GRIK2: variants seen among roughly 807,000 people sequenced by gnomAD.
The protein encoded by GRIK2 is glutamate receptor ionotropic, kainate 2.
In GRIK2, 32 loss-of-function variants were observed where a neutral mutation model predicts 100.3. That is an observed-to-expected ratio of 0.32 (90% CI 0.24 to 0.43). The LOEUF (loss-of-function observed/expected upper bound fraction) is 0.43. GRIK2 is among the 20% of genes least tolerant of loss of function. The pLI, the probability that GRIK2 is intolerant of heterozygous loss-of-function variation, is 1.00. For synonymous variants in GRIK2, 417 were observed against 389.4 expected, an observed-to-expected ratio of 1.07 and a Z score of -0.83; for missense variants, 843 against 1,114.9, an observed-to-expected ratio of 0.76 and a Z score of 3.47.
chr6:101,918,700 G>T (rs1039967203), intron 12 of GRIK2, among the ~76,000 whole-genome samples: 1 of 151,632 alleles, frequency 6.6e-6, no homozygotes, highest in Admixed American at 6.6e-5. Flanking sequence ...TATTTGGCTG[G>T]AATTCAAACC....
intron 7 of GRIK2, among the ~76,000 whole-genome samples, chr6:101,788,930 G>T (rs183213414): frequency 6.6e-6 from 1 of 152,298 alleles, no homozygotes; most frequent in East Asian, 1.9e-4. Flanking sequence ...GTATCTCATT[G>T]TGATTTTGAT....
intron 2 of GRIK2, among the ~76,000 whole-genome samples, chr6:101,472,809 C>T (rs1027998143): frequency 1.3e-5 from 2 of 151,718 alleles, no homozygotes; most frequent in Non-Finnish European, 3.0e-5. Flanking sequence ...GACTGATACT[C>T]ATTTCAGAAT....
chr6:101,601,494 G>T (rs774209014), intron 2 of GRIK2, among the ~76,000 whole-genome samples: 1 of 151,946 alleles, frequency 6.6e-6, no homozygotes, highest in African/African-American at 2.4e-5. Context: ...TTTTGGAATA[G>T]TTCTGGTAGA....
intron 2 of GRIK2, among the ~76,000 whole-genome samples, chr6:101,611,156 A>G (rs1334542513): frequency 1.3e-5 from 2 of 151,848 alleles, no homozygotes; most frequent in African/African-American, 4.8e-5. Context: ...AAAGTGTAGG[A>G]GCTTTGTCAA....
intron 7 of GRIK2, among the ~76,000 whole-genome samples, chr6:101,785,830 GT>G (rs894599735): frequency 1.3e-5 from 2 of 151,680 alleles, no homozygotes; most frequent in South Asian, 2.1e-4. Context: ...AATTTTAGAA[GT>G]TTTTTTTCTT....
chr6:101,460,701 A>G (rs570945461), intron 2 of GRIK2, among the ~76,000 whole-genome samples: 89 of 152,292 alleles, frequency 5.8e-4, no homozygotes, highest in African/African-American at 2.1e-3. Flanking sequence ...GAGAATCTTC[A>G]ATTTTCACTA....
At chr6:101,421,348 A>T (rs1020409940) in intron 2 of GRIK2, among the ~76,000 whole-genome samples, 1 of 152,218 alleles carries the variant, frequency 6.6e-6, no homozygotes, top group Non-Finnish European at 1.5e-5. Flanking sequence ...GCATCGTAGA[A>T]GTTGGCTTAG....
intron 2 of GRIK2, among the ~76,000 whole-genome samples, chr6:101,556,506 C>T (rs1206616159): frequency 2.6e-5 from 4 of 150,962 alleles, no homozygotes; most frequent in African/African-American, 9.7e-5. Flanking sequence ...AAATGAACAG[C>T]TGTTCATTTG....
At chr6:101,413,350 T>C (rs1232118030) in intron 2 of GRIK2, among the ~76,000 whole-genome samples, 1 of 152,096 alleles carries the variant, frequency 6.6e-6, no homozygotes, top group Non-Finnish European at 1.5e-5. Context: ...AAATGCTTTA[T>C]GTGTTGATTG....
intron 11 of GRIK2, among the ~76,000 whole-genome samples, chr6:101,877,704 A>T (rs1015622250): frequency 1.3e-5 from 2 of 151,996 alleles, no homozygotes; most frequent in African/African-American, 4.8e-5. Context: ...CTCATGTTTA[A>T]ATGTCAATAT....
chr6:101,932,271 A>G (rs914999226), intron 14 of GRIK2, among the ~76,000 whole-genome samples: 1 of 152,042 alleles, frequency 6.6e-6, no homozygotes, highest in Non-Finnish European at 1.5e-5. Flanking sequence ...ATAGTATCAA[A>G]GGAAGAAACA....
chr6:101,875,150 G>C (rs1421580735), intron 11 of GRIK2, among the ~76,000 whole-genome samples: 1 of 152,070 alleles, frequency 6.6e-6, no homozygotes, highest in African/African-American at 2.4e-5. Flanking sequence ...GGAGTGGTGA[G>C]AGAGGGCATC....
intron 10 of GRIK2, among the ~76,000 whole-genome samples, chr6:101,844,183 AT>A: frequency 6.6e-6 from 1 of 152,314 alleles, no homozygotes; most frequent in Non-Finnish European, 1.5e-5. Flanking sequence ...ATGTAATAAA[AT>A]ATTTGAGAAA....
intron 14 of GRIK2, among the ~76,000 whole-genome samples, chr6:101,992,553 C>T (rs773050207): frequency 1.3e-5 from 2 of 151,560 alleles, no homozygotes; most frequent in Non-Finnish European, 3.0e-5. Flanking sequence ...AGGGTCAAAC[C>T]AACCGAGGTC....
In GRIK2 at chr6:101,691,908, G is replaced by C. The variant is rs1365434036; in HGVS notation, c.951+5555G>C. ...TACTGTATAAAGATTTACTTGTATA[G>C]CTGGGTGTGGTGGGGCAGGCCTGTA... On this transcript the variant is annotated intron_variant, in intron 7 of 16. Transcript: ENST00000369134. 2.0e-5 allele frequency among the ~76,000 whole-genome samples: 3 copies of C among 151,844 alleles called. No homozygotes were observed. In the East Asian group the frequency reaches 5.8e-4, roughly 29 times the overall value.
intron 14 of GRIK2, among the ~76,000 whole-genome samples, chr6:101,943,940 T>G (rs573865139): frequency 6.6e-6 from 1 of 152,220 alleles, no homozygotes; most frequent in East Asian, 1.9e-4. Context: ...GAATGATTGG[T>G]TTGGCTCTGT....
chr6:101,896,505 T>C (rs1787453172), intron 12 of GRIK2, among the ~76,000 whole-genome samples: 1 of 151,822 alleles, frequency 6.6e-6, no homozygotes, highest in Non-Finnish European at 1.5e-5. Flanking sequence ...TATTTATTTT[T>C]TAGAAGTATC....
At chr6:101,468,821 T>C (rs1469956283) in intron 2 of GRIK2, among the ~76,000 whole-genome samples, 1 of 152,152 alleles carries the variant, frequency 6.6e-6, no homozygotes, top group African/African-American at 2.4e-5. Context: ...ATATATGTTA[T>C]AAGGTTCCTC....
chr6:101,401,965 G>A (rs1775332470), intron 2 of GRIK2, among the ~76,000 whole-genome samples: 1 of 152,026 alleles, frequency 6.6e-6, no homozygotes, highest in African/African-American at 2.4e-5. Context: ...AGGCGCCTCC[G>A]CCGCGGCGCT....
Sources: allele counts gnomAD v4.1 joint callset (sites outside exome capture counted in the v4.1 genomes callset), GRCh38; gene constraint gnomAD v4.1.1; transcripts MANE v1.5; gene names NCBI Gene and HGNC (gene_info 2026-07-23, HGNC 2026-07-21).